SYNE2: variants seen among roughly 807,000 people sequenced by gnomAD.
SYNE2 encodes nesprin-2.
A neutral mutation model predicts 856.3 loss-of-function variants in SYNE2; 431 were observed. The observed-to-expected ratio is 0.50, with a 90% confidence interval of 0.47 to 0.55. The LOEUF (loss-of-function observed/expected upper bound fraction) is 0.55. Ranked by LOEUF, SYNE2 falls within the 20% of genes least tolerant of loss-of-function variation. The pLI, the probability that SYNE2 is intolerant of heterozygous loss-of-function variation, is 0.00. For missense variants in SYNE2, 8,129 were observed against 8,023.2 expected (o/e 1.01, Z -0.50); for synonymous variants, 2,923 against 2,872.3 (o/e 1.02, Z -0.56).
intron 70 of SYNE2, 27 bp downstream of exon 70, chr14:64,122,454 TA>T (rs747907953): frequency 6.2e-7 from 1 of 1,614,086 alleles, no homozygotes; most frequent in Non-Finnish European, 8.5e-7. Flanking sequence ...ATGGTGCAAA[TA>T]GCCTGTTTAT....
In SYNE2 at chr14:64,170,318, G is replaced by C. The variant is rs146814777; in HGVS notation, c.17091G>C (p.Gly5697=). 9.9e-6 allele frequency: 16 copies of C among 1,614,186 alleles called. No individual in the cohort carries two copies. In the African/African-American group the frequency reaches 2.0e-4, roughly 20 times the overall value. ...GVRQRKGDVD[G]LVRQWQDFTT... is the part of the protein sequence containing the mutation. ...GGCAGAGGAAGGGTGACGTTGATGG[G>C]CTGGTGAGGCAGTGGCAAGATTTCA... Residue 5697 remains glycine, a synonymous_variant, in exon 94 of 116, where the codon GGG becomes GGC. Transcript: ENST00000555002.
intron 1 of SYNE2, among the ~76,000 whole-genome samples, chr14:63,771,104 C>G (rs530014528): frequency 4.1e-4 from 59 of 142,566 alleles, no homozygotes; most frequent in African/African-American, 1.5e-3. Context: ...GAGTCTCGCT[C>G]TGTGGCCCAG....
Position 63,976,602 on chromosome 14 carries a change from C to G in SYNE2, c.1168C>G (p.Pro390Ala). ...AATAAAGCTAAATTATGCCTTGCCC[C>G]CACCCCTCCATCAAACTGAAGCTTG... ...WKIKLNYALP[P>A]PLHQTEAWLQ... The change falls in exon 12 of 116, where the codon CCA (proline) becomes GCA (alanine). Residue 390 changes from proline (P) to alanine (A), a missense_variant. Pro to Ala is a conservative substitution (Grantham distance 27). Coordinates refer to ENST00000555002, the MANE Select transcript of SYNE2 (RefSeq NM_182914.3). 6.2e-7 allele frequency: 1 copy of G among 1,611,586 alleles called. No homozygotes were observed. Among genetic ancestry groups the G allele is most frequent in the Non-Finnish European group, 8.5e-7 (1 of 1,179,530 alleles).
chr14:63,801,602 C>T (rs1319555062), intron 1 of SYNE2, among the ~76,000 whole-genome samples: 1 of 152,008 alleles, frequency 6.6e-6, no homozygotes, highest in East Asian at 1.9e-4. Context: ...TCACTTGAAC[C>T]CGGGAGGCAG....
intron 84 of SYNE2, among the ~76,000 whole-genome samples, chr14:64,150,829 G>C (rs188619020): frequency 1.8e-4 from 28 of 152,252 alleles, no homozygotes; most frequent in African/African-American, 6.3e-4. Flanking sequence ...GGGTGTGAGG[G>C]AGCGAGTTAG....
Position 64,062,888 on chromosome 14 carries a change from A to G in SYNE2, c.10205A>G (p.Gln3402Arg). The G allele has an allele frequency of 6.2e-7, 1 of 1,614,176 alleles. No homozygotes were observed. Among genetic ancestry groups the G allele is most frequent in the Non-Finnish European group, 8.5e-7 (1 of 1,180,032 alleles). The change falls in exon 50 of 116, where the codon CAG becomes CGG. Residue 3402 changes from glutamine to arginine, a missense_variant. Physicochemically the swap from Gln to Arg is conservative, Grantham distance 43. This residue lies in a region of SYNE2 where 5,410 missense variants were observed against 5,284.8 expected (regional missense o/e 1.02). Coordinates refer to ENST00000555002, the MANE Select transcript of SYNE2 (RefSeq NM_182914.3). ...AGAGAAGCTTTAGAGCGCTTGGAAC[A>G]GAGCAAGGTAATAGTATTGGCAATT... is the stretch of plus-strand genomic sequence containing the variant. ...SYREALERLE[Q>R]SKALVSNLIS...
At chr14:64,184,151 C>G (rs570666443) in intron 96 of SYNE2, among the ~76,000 whole-genome samples, 1 of 152,130 alleles carries the variant, frequency 6.6e-6, no homozygotes, top group African/African-American at 2.4e-5. Context: ...TTAAAGCTCT[C>G]GAGACATACA....
intron 64 of SYNE2, among the ~76,000 whole-genome samples, chr14:64,106,143 C>CA (rs1567316406): frequency 7.6e-6 from 1 of 132,156 alleles, no homozygotes; most frequent in Non-Finnish European, 1.6e-5. Context: ...CCCCCCCCCC[C>CA]AACCAACACA....
At chr14:64,208,309 T>C in intron 100 of SYNE2, 1 of 373,180 alleles carries the variant, frequency 2.7e-6, no homozygotes, top group South Asian at 2.0e-5. Flanking sequence ...AAGAGTTCGG[T>C]AGCTGATAAA....
At chr14:64,203,748 C>T (rs1334072721) in intron 100 of SYNE2, among the ~76,000 whole-genome samples, 2 of 152,166 alleles carry the variant, frequency 1.3e-5, no homozygotes, top group African/African-American at 2.4e-5. Context: ...TCTGTTTCAA[C>T]CATAGAAGCA....
At chr14:64,132,236 T>G in intron 76 of SYNE2, 29 bp from the exon 77 acceptor site, 1 of 1,610,970 alleles carries the variant, frequency 6.2e-7, no homozygotes, top group Non-Finnish European at 8.5e-7. Flanking sequence ...AATTTCAAAG[T>G]AAATATTAAA....
Position 64,087,867 on chromosome 14 carries a change from A to C in SYNE2, c.11670+11A>C, listed in dbSNP as rs1194517490. ...CAGCGAATGGCTGATGTAAGTTTGCACCATTCATTTAATCATTCAGGATTA... is the reference window on the plus strand; with the variant it reads ...CAGCGAATGGCTGATGTAAGTTTGCCCCATTCATTTAATCATTCAGGATTA... On this transcript the variant is annotated intron_variant, in intron 58 of 115. Coordinates refer to ENST00000555002, the MANE Select transcript of SYNE2 (RefSeq NM_182914.3). The C allele has an allele frequency of 1.9e-6, 3 of 1,613,338 alleles. No individual in the cohort carries two copies. The highest frequency in any genetic ancestry group is 2.7e-5 in the African/African-American group (2 of 74,940).
chr14:63,821,473 G>A (rs1889209038), intron 1 of SYNE2, among the ~76,000 whole-genome samples: 1 of 152,130 alleles, frequency 6.6e-6, no homozygotes, highest in East Asian at 1.9e-4. Flanking sequence ...AGTAATTGAG[G>A]CTGGGCACAG....
Position 64,098,755 on chromosome 14 carries a change from A to G in SYNE2, c.12315A>G (p.Arg4105=). ...ERDASERKLN[R]RGSMSYLAAV... ...TGTGCTGTGCCTTTCAGTTGAACAG[A>G]AGAGGCTCCATGTCTTACCTGGCAG... Residue 4105 remains arginine (R), a synonymous_variant, in exon 63 of 116, where the codon AGA becomes AGG. Coordinates refer to ENST00000555002, the MANE Select transcript of SYNE2 (RefSeq NM_182914.3). 1.2e-6 allele frequency: 2 copies of G among 1,614,088 alleles called. No homozygotes were observed. Among genetic ancestry groups the G allele is most frequent in the Non-Finnish European group, 1.7e-6 (2 of 1,180,022 alleles).
At position 64,038,090 on chromosome 14, in the gene SYNE2, C is replaced by A. The variant is rs192145236; in HGVS notation, c.7221+6733C>A. Among the ~76,000 whole-genome samples the A allele has an allele frequency of 5.7e-3, 852 of 150,680 alleles. 7 individuals are homozygous for A. Among genetic ancestry groups the A allele is most frequent in the African/African-American group, 0.02 (809 of 40,774 alleles). On this transcript the variant is annotated intron_variant, in intron 45 of 115. Coordinates refer to ENST00000555002, the MANE Select transcript of SYNE2 (RefSeq NM_182914.3). ...GGGTCTCCTCACTTCTCAGACGGGG[C>A]GGCCGGGCAGAGATGCTCCTCATCT...
chr14:64,078,810 G>A (rs919144441), intron 55 of SYNE2, among the ~76,000 whole-genome samples: 9 of 152,142 alleles, frequency 5.9e-5, no homozygotes, highest in African/African-American at 1.9e-4. Flanking sequence ...GGTGACCCAC[G>A]CCTGTAATCC....
chr14:63,842,485 A>T lies in SYNE2; in HGVS notation c.-304-10016A>T, dbSNP rs548546637. ...CTCCTTTTTTTTTTTATTGATACAG[A>T]GTCTTGCTCTTGTTGCCCAGGCTGG... On this transcript the variant is annotated intron_variant, in intron 1 of 23. Coordinates refer to the SYNE2 transcript ENST00000674003. Among the ~76,000 whole-genome samples, 3 of 143,670 alleles carry T rather than the reference A, an allele frequency of 2.1e-5. No individual in the cohort carries two copies. The East Asian group carries it at 6.2e-4, about 30-fold the overall frequency. 94.3% of individuals were successfully genotyped at this position (143,670 alleles called of 152,430 possible).
chr14:63,871,612 T>A (rs1896874323), intron 1 of SYNE2, among the ~76,000 whole-genome samples: 1 of 151,976 alleles, frequency 6.6e-6, no homozygotes, highest in African/African-American at 2.4e-5. Context: ...TCATTTTTTT[T>A]TTTTTTAATC....
intron 79 of SYNE2, among the ~76,000 whole-genome samples, chr14:64,139,221 C>A (rs1461868061): frequency 1.3e-5 from 2 of 149,370 alleles, no homozygotes; most frequent in Non-Finnish European, 2.9e-5. Context: ...GGGCTCAAGC[C>A]ATCCTCCCAC....
Sources: allele counts gnomAD v4.1 joint callset (sites outside exome capture counted in the v4.1 genomes callset), GRCh38; gene constraint gnomAD v4.1.1; regional missense constraint gnomAD v4.1.1; transcripts MANE v1.5; gene names NCBI Gene and HGNC (gene_info 2026-07-23, HGNC 2026-07-21).